MED13L: variants seen among roughly 807,000 people sequenced by gnomAD.
The protein encoded by MED13L is mediator complex subunit 13L, also known as mediator of RNA polymerase II transcription subunit 13-like.
A neutral mutation model predicts 220.9 loss-of-function variants in MED13L; 7 were observed. The ratio of observed to expected loss-of-function variants is 0.03; its 90% CI spans 0.02 to 0.06. The LOEUF is 0.06. MED13L is among the 10% of genes least tolerant of loss of function. The probability of loss-of-function intolerance (pLI) is 1.00; values close to 1 mark genes in which losing one functional copy is unlikely to be tolerated. For missense variants in MED13L, 1,965 were observed against 2,760.5 expected (o/e 0.71, Z 6.46); for synonymous variants, 1,011 against 1,015.2 (o/e 1.00, Z 0.08).
chr12:116,223,881 C>A (rs1330776838), intron 2 of MED13L, among the ~76,000 whole-genome samples: 1 of 152,100 alleles, frequency 6.6e-6, no homozygotes, highest in Non-Finnish European at 1.5e-5. Flanking sequence ...CCTATGTGTT[C>A]CAGGACACCA....
chr12:116,108,623 C>T (rs1051374737), intron 3 of MED13L, among the ~76,000 whole-genome samples: 22 of 152,054 alleles, frequency 1.4e-4, no homozygotes, highest in African/African-American at 5.3e-4. Context: ...TAAAGAACAA[C>T]AGGATTAGTA....
At chr12:116,084,405 C>T (rs1287648910) in intron 4 of MED13L, among the ~76,000 whole-genome samples, 2 of 152,100 alleles carry the variant, frequency 1.3e-5, no homozygotes, top group East Asian at 1.9e-4. Flanking sequence ...AAGTTGCAAA[C>T]GTAAAAGTAT....
At chr12:116,124,835 G>A (rs1048464256) in intron 2 of MED13L, among the ~76,000 whole-genome samples, 2 of 152,140 alleles carry the variant, frequency 1.3e-5, no homozygotes, top group African/African-American at 4.8e-5. Context: ...ACACACAAAT[G>A]CAATCTTCTG....
chr12:116,135,647 T>C (rs1876475397), intron 2 of MED13L, among the ~76,000 whole-genome samples: 5 of 152,088 alleles, frequency 3.3e-5, no homozygotes, highest in Admixed American at 2.6e-4. Flanking sequence ...CACACTATAA[T>C]ATAAGGAAGT....
chr12:116,255,924 G>A (rs951782237), intron 1 of MED13L, among the ~76,000 whole-genome samples: 2 of 152,120 alleles, frequency 1.3e-5, no homozygotes, highest in South Asian at 2.1e-4. Context: ...GAGTAGGGAC[G>A]CTCAGCCAGT....
intron 2 of MED13L, among the ~76,000 whole-genome samples, chr12:116,126,444 T>C (rs1467655680): frequency 6.6e-6 from 1 of 152,132 alleles, no homozygotes; most frequent in Non-Finnish European, 1.5e-5. Context: ...GTCCTTGGAG[T>C]ACTAGAGTCC....
At chr12:116,021,314 CCT>C (rs540411249) in intron 5 of MED13L, among the ~76,000 whole-genome samples, 277 of 152,238 alleles carry the variant, frequency 1.8e-3, no homozygotes, top group Non-Finnish European at 3.0e-3. Flanking sequence ...ACTACTTATT[CCT>C]CTGTTATTAC....
At chr12:116,011,014 T>G (rs894145794) in intron 9 of MED13L, among the ~76,000 whole-genome samples, 12 of 151,836 alleles carry the variant, frequency 7.9e-5, no homozygotes, top group African/African-American at 2.7e-4. Context: ...GCAGCTGGGA[T>G]TACAGACACG....
chr12:116,162,706 A>C (rs2138143228), intron 2 of MED13L, among the ~76,000 whole-genome samples: 1 of 152,332 alleles, frequency 6.6e-6, no homozygotes, highest in South Asian at 2.1e-4. Context: ...CTCCAAATAA[A>C]CCTATTTGGA....
chr12:116,106,017 T>C (rs1349826779), intron 3 of MED13L, among the ~76,000 whole-genome samples: 1 of 152,200 alleles, frequency 6.6e-6, no homozygotes, highest in Admixed American at 6.5e-5. Context: ...CACCAAGTCA[T>C]ACCCAGGAGG....
chr12:116,067,202 A>G (rs1223785168), intron 4 of MED13L, among the ~76,000 whole-genome samples: 1 of 152,226 alleles, frequency 6.6e-6, no homozygotes, highest in Non-Finnish European at 1.5e-5. Flanking sequence ...ATTAAAAAAT[A>G]CATCCATAAT....
chr12:116,074,215 C>CA (rs1870605062), intron 4 of MED13L, among the ~76,000 whole-genome samples: 2 of 152,166 alleles, frequency 1.3e-5, no homozygotes, highest in Middle Eastern at 6.8e-3. Context: ...GCCAGCATGG[C>CA]AAAACCCCGT....
chr12:116,048,474 A>G (rs991943197), intron 4 of MED13L, among the ~76,000 whole-genome samples: 2 of 152,220 alleles, frequency 1.3e-5, no homozygotes, highest in Non-Finnish European at 2.9e-5. Flanking sequence ...AGGCTAGTGC[A>G]ATAGCTCAGA....
intron 2 of MED13L, among the ~76,000 whole-genome samples, chr12:116,166,654 A>C (rs1332428655): frequency 6.6e-6 from 1 of 152,204 alleles, no homozygotes; most frequent in East Asian, 1.9e-4. Flanking sequence ...TTATCTATAC[A>C]GCACCATACT....
At chr12:116,011,229 G>T (rs1397806833) in intron 9 of MED13L, among the ~76,000 whole-genome samples, 1 of 152,106 alleles carries the variant, frequency 6.6e-6, no homozygotes, top group Non-Finnish European at 1.5e-5. Context: ...AAGACTATGT[G>T]AAAGTCAGGT....
chr12:116,206,551 C>CG (rs1468747317), intron 2 of MED13L, among the ~76,000 whole-genome samples: 4 of 151,418 alleles, frequency 2.6e-5, no homozygotes, highest in Non-Finnish European at 4.4e-5. Flanking sequence ...AAGTTATAGA[C>CG]GGGGAAAAAA....
intron 2 of MED13L, among the ~76,000 whole-genome samples, chr12:116,198,758 G>A (rs1343261344): frequency 7.6e-6 from 1 of 131,904 alleles, no homozygotes; most frequent in Non-Finnish European, 1.6e-5. Flanking sequence ...CAGATCTTAT[G>A]ACTTGCCCTC....
chr12:116,086,075 A>C (rs2551753), intron 4 of MED13L, among the ~76,000 whole-genome samples: 17,392 of 152,222 alleles, frequency 0.11, 1,334 homozygotes, highest in Non-Finnish European at 0.17. Flanking sequence ...AATTGACACC[A>C]CATTATGTTC....
intron 2 of MED13L, among the ~76,000 whole-genome samples, chr12:116,140,237 G>C (rs55984419): frequency 5.3e-5 from 8 of 151,762 alleles, no homozygotes; most frequent in African/African-American, 1.9e-4. Flanking sequence ...ATATTTATGC[G>C]TGATTATTGT....
Sources: allele counts gnomAD v4.1 joint callset (sites outside exome capture counted in the v4.1 genomes callset), GRCh38; gene constraint gnomAD v4.1.1; transcripts MANE v1.5; gene names NCBI Gene and HGNC (gene_info 2026-07-23, HGNC 2026-07-21).